Variants in KIF19 observed in about 807,000 individuals in gnomAD.
The protein encoded by KIF19 is kinesin-like protein KIF19.
In KIF19, 98 loss-of-function variants were observed where a neutral mutation model predicts 106.6. The observed-to-expected ratio is 0.92, with a 90% CI of 0.78 to 1.09. The LOEUF (loss-of-function observed/expected upper bound fraction) is 1.09. Among genes scored for constraint, KIF19 ranks in the 50% least tolerant of loss-of-function variants. The pLI, the probability that KIF19 is intolerant of heterozygous loss-of-function variation, is 0.00. For missense variants in KIF19, 1,373 were observed against 1,414.3 expected, an observed-to-expected ratio of 0.97 and a Z score of 0.47; for synonymous variants, 516 against 584.2, an observed-to-expected ratio of 0.88 and a Z score of 1.68.
rs28673468 is a variant in KIF19, at chr17:74,328,402, A to G, written c.40-23A>G. The stretch of plus-strand genomic sequence containing the variant: ...AGCATGGTCCTCTCCCTCTAATCCC[A>G]GGGGCTTGGTTTTCCCTCCCAGGTG... On this transcript the variant is annotated intron_variant, in intron 1 of 19. Transcript: ENST00000389916. The G allele has an allele frequency of 7.2e-4, 1,142 of 1,593,254 alleles. 2 individuals are homozygous for G. Among genetic ancestry groups the G allele is most frequent in the Middle Eastern group, 1.6e-3 (8 of 4,922 alleles).
At chr17:74,345,229 G>T (rs950354998) in intron 7 of KIF19, among the ~76,000 whole-genome samples, 7 of 152,124 alleles carry the variant, frequency 4.6e-5, no homozygotes, top group African/African-American at 1.4e-4. Context: ...AGGGCATCCC[G>T]GGAAGAGCCA....
chr17:74,327,714 G>T (rs899719500), intron 1 of KIF19, among the ~76,000 whole-genome samples: 3 of 152,124 alleles, frequency 2.0e-5, no homozygotes, highest in African/African-American at 7.2e-5. Context: ...CTCAGGATCC[G>T]CCCACCTCGG....
chr17:74,352,919 G>A lies in KIF19; in HGVS notation c.2079G>A (p.Leu693=). 6.2e-7 allele frequency: 1 copy of A among 1,613,904 alleles called. No homozygotes were observed. The highest frequency in any genetic ancestry group is 8.5e-7 in the Non-Finnish European group (1 of 1,179,868). Residue 693 remains leucine (L), a synonymous_variant, in exon 15 of 20, where the codon CTG becomes CTA. Transcript: ENST00000389916. Reference sequence around the variant, plus strand: ...CATTGAGCTCTGATGCCCAGCACCTGCAGAACAGCGCCCTCCCTCCCCTCA... The same window carrying A: ...CATTGAGCTCTGATGCCCAGCACCTACAGAACAGCGCCCTCCCTCCCCTCA... The part of the protein sequence containing the change: ...VKTLSSDAQH[L]QNSALPPLST...
intron 5 of KIF19, 33 bp downstream of exon 5, chr17:74,343,193 G>A (rs376323276): frequency 1.2e-5 from 19 of 1,606,386 alleles, no homozygotes; most frequent in Non-Finnish European, 1.5e-5. Flanking sequence ...AGATGGGGCT[G>A]GCCTCCCTCC....
chr17:74,331,535 C>A lies in KIF19; in HGVS notation c.120+3030C>A, dbSNP rs1029608525. Among the ~76,000 whole-genome samples, 5 of 151,896 alleles carry A rather than the reference C, an allele frequency of 3.3e-5. No individual in the cohort carries two copies. Among genetic ancestry groups the A allele is most frequent in the African/African-American group, 1.2e-4 (5 of 41,420 alleles). ...GGCGGAGAGTCCTCTGGGACAGGAA[C>A]CCAGGGTGCTTGGATTCTGGGGAAG... is the stretch of plus-strand genomic sequence containing the variant. On this transcript the variant is annotated intron_variant, in intron 2 of 19. Transcript: ENST00000389916. The surrounding 1 kb of genome is among the most constrained non-coding windows in gnomAD (Gnocchi z 4.1).
rs199765348 is a variant in KIF19, at chr17:74,352,056, C to A, written c.1777C>A (p.Arg593Ser). Residue 593 changes from arginine (R) to serine (S), a missense_variant, in exon 13 of 20, where the codon CGC becomes AGC. This residue lies in a region of KIF19 where 1,020 missense variants were observed against 1,008.2 expected (regional missense o/e 1.01). Transcript: ENST00000389916. Reference sequence around the variant, plus strand: ...GCTCCGCGACGGTGCGCTCCGCCACCGCCACGAGGCCGTGCGCCGCCTGGA... The same window carrying A: ...GCTCCGCGACGGTGCGCTCCGCCACAGCCACGAGGCCGTGCGCCGCCTGGA... The part of the protein sequence containing the change: ...ALLRDGALRH[R>S]HEAVRRLEQH... 3 of 1,586,700 alleles carry A rather than the reference C, an allele frequency of 1.9e-6. No individual in the cohort carries two copies. The highest frequency in any genetic ancestry group is 2.7e-5 in the African/African-American group (2 of 73,940).
chr17:74,337,360 G>A (rs949644786), intron 2 of KIF19, among the ~76,000 whole-genome samples: 3 of 151,690 alleles, frequency 2.0e-5, no homozygotes, highest in Admixed American at 6.6e-5. Context: ...TGCCTGGGTG[G>A]GTGGGGCATG....
intron 12 of KIF19, 46 bp from the exon 13 acceptor site, chr17:74,351,821 C>G: frequency 7.3e-7 from 1 of 1,369,818 alleles, no homozygotes; most frequent in Admixed American, 3.9e-5. Context: ...GCAGGCGGAT[C>G]GGACCCCTCT....
At chr17:74,327,287 G>C (rs2053941149) in intron 1 of KIF19, among the ~76,000 whole-genome samples, 1 of 152,158 alleles carries the variant, frequency 6.6e-6, no homozygotes, top group Admixed American at 6.5e-5. Flanking sequence ...AGCAAGCCCT[G>C]GGCTCTAGGA....
intron 2 of KIF19, among the ~76,000 whole-genome samples, chr17:74,340,712 G>A (rs572735209): frequency 6.6e-6 from 1 of 152,332 alleles, no homozygotes. Context: ...AAGCTGCAAA[G>A]GGCCACTGGA....
In KIF19 at chr17:74,350,968, G is replaced by C. The variant is rs572188452; in HGVS notation, c.1587+63G>C. ...GGGGACAGGGTGAGCAGGTTTGAGA[G>C]GCAAGGCGGAGGGGCCAGGGTGGGG... On this transcript the variant is annotated intron_variant, in intron 12 of 19. Coordinates refer to ENST00000389916, the MANE Select transcript of KIF19 (RefSeq NM_153209.4). 275 of 1,568,514 alleles carry C rather than the reference G, an allele frequency of 1.8e-4. 3 individuals are homozygous for C. The East Asian group carries it at 4.4e-3, about 25-fold the overall frequency.
At position 74,355,257 on chromosome 17, in the gene KIF19, G is replaced by A. The variant is rs762728205; in HGVS notation, c.2942G>A (p.Arg981His). 157 of 1,612,474 alleles carry A rather than the reference G, an allele frequency of 9.7e-5. No individual in the cohort carries two copies. The highest frequency in any genetic ancestry group is 7.1e-4 in the East Asian group (32 of 44,890). The change falls in exon 20 of 20, where the codon CGC (arginine) becomes CAC (histidine). Residue 981 changes from arginine to histidine, a missense_variant. By Grantham distance (29) the Arg-to-His change is conservative (BLOSUM62 0). Coordinates refer to ENST00000389916, the MANE Select transcript of KIF19 (RefSeq NM_153209.4). Reference protein sequence around the residue: ...GGSRRATRGPRLPHGTSTHGK... With the variant: ...GGSRRATRGPHLPHGTSTHGK... ...TCTCGACGGGCTACCCGTGGGCCCC[G>A]CCTGCCCCACGGCACAAGCACCCAT...
Position 74,354,432 on chromosome 17 carries a change from A to G in KIF19, c.2579A>G (p.His860Arg), listed in dbSNP as rs959292204. ...TGEAPSRAVG[H>R]HGDGPRPWLR... The stretch of plus-strand genomic sequence containing the variant: ...GAGGCCCCGTCCCGGGCAGTCGGAC[A>G]TCATGGGGACGGCCCCAGGCCCTGG... The change falls in exon 18 of 20, where the codon CAT becomes CGT. Residue 860 changes from histidine (H) to arginine (R), a missense_variant. Physicochemically the swap from His to Arg is conservative, Grantham distance 29. This residue lies in a region of KIF19 where 1,020 missense variants were observed against 1,008.2 expected (regional missense o/e 1.01). Coordinates refer to ENST00000389916, the MANE Select transcript of KIF19 (RefSeq NM_153209.4). 2 of 1,611,314 alleles carry G rather than the reference A, an allele frequency of 1.2e-6. No individual in the cohort carries two copies. The highest frequency in any genetic ancestry group is 1.7e-6 in the Non-Finnish European group (2 of 1,179,302).
Position 74,352,955 on chromosome 17 carries a change from G to C in KIF19, c.2114+1G>C. On this transcript the variant is annotated splice_donor_variant, in intron 15 of 19. Coordinates refer to ENST00000389916, the MANE Select transcript of KIF19 (RefSeq NM_153209.4). LOFTEE classifies it high-confidence loss of function. ...CCCTCCCTCCCCTCAGCACAGAGAG[G>C]TGAGATGGGGGCCACCTGCCCCAGC... 1 of 1,613,646 alleles carries C rather than the reference G, an allele frequency of 6.2e-7. No individual in the cohort carries two copies.
At chr17:74,348,601 C>A (rs1043734415) in intron 9 of KIF19, 1 of 160,606 alleles carries the variant, frequency 6.2e-6, no homozygotes. Context: ...TTTATTCCAA[C>A]CCCTCAATGG....
intron 2 of KIF19, among the ~76,000 whole-genome samples, chr17:74,337,664 C>T (rs1161552469): frequency 1.3e-5 from 2 of 152,222 alleles, no homozygotes. Context: ...GATTAGGTGC[C>T]TCCCTGTGCT....
At chr17:74,340,540 C>A (rs1033014656) in intron 2 of KIF19, among the ~76,000 whole-genome samples, 2 of 150,532 alleles carry the variant, frequency 1.3e-5, no homozygotes, top group African/African-American at 2.5e-5. Flanking sequence ...CACGTGCCAG[C>A]AGGTATGCGC....
rs118005545 is a variant in KIF19, at chr17:74,347,709, G to A, written c.925-68G>A. 832 of 1,541,836 alleles carry A rather than the reference G, an allele frequency of 5.4e-4. 6 individuals are homozygous for A. The East Asian group carries it at 8.9e-3, about 16-fold the overall frequency. ...GATTGCACTCGCCAGGGAGGGCATCGTGAACAGCCTGGCAGGAGGAAGGCC... is the reference window on the plus strand; with the variant it reads ...GATTGCACTCGCCAGGGAGGGCATCATGAACAGCCTGGCAGGAGGAAGGCC... On this transcript the variant is annotated intron_variant, in intron 8 of 19. Transcript: ENST00000389916.
chr17:74,338,669 A>G (rs2054280688), intron 2 of KIF19, among the ~76,000 whole-genome samples: 1 of 151,926 alleles, frequency 6.6e-6, no homozygotes, highest in Non-Finnish European at 1.5e-5. Flanking sequence ...CCAGGAGTCC[A>G]GGTGGTGAAG....
Sources: gnomAD v4.1 joint callset for allele counts (sites outside exome capture counted in the v4.1 genomes callset) on GRCh38, gnomAD v4.1.1 for gene constraint, gnomAD v4.1.1 regional missense constraint, Gnocchi (gnomAD v3.1) non-coding constraint, MANE v1.5 for transcripts, NCBI Gene and HGNC (gene_info 2026-07-23, HGNC 2026-07-21) for gene names.